The following DSCAML1 variants were observed in gnomAD, a reference collection of about 807,000 sequenced individuals.
DSCAML1 encodes the protein DS cell adhesion molecule like 1, also known as cell adhesion molecule DSCAML1.
In DSCAML1, 38 loss-of-function variants were observed where a neutral mutation model predicts 200.5. That is an observed-to-expected ratio of 0.19 (90% CI 0.15 to 0.25). DSCAML1 has a LOEUF of 0.25. DSCAML1 is among the 10% of genes least tolerant of loss of function. DSCAML1 has a pLI of 1.00. For missense variants in DSCAML1, 2,223 were observed against 2,858.8 expected, an observed-to-expected ratio of 0.78 and a Z score of 5.07; for synonymous variants, 1,215 against 1,165.0, an observed-to-expected ratio of 1.04 and a Z score of -0.87.
At chr11:117,563,079 C>T (rs191613154) in intron 3 of DSCAML1, among the ~76,000 whole-genome samples, 17 of 152,322 alleles carry the variant, frequency 1.1e-4, no homozygotes, top group Middle Eastern at 3.4e-3. Context: ...ATGAAGTGAA[C>T]GCCAAGAGCA....
intron 3 of DSCAML1, among the ~76,000 whole-genome samples, chr11:117,681,321 G>A (rs1190465287): frequency 1.3e-5 from 2 of 152,110 alleles, no homozygotes. Context: ...CCCCTCCTGG[G>A]CCCACAAACT....
chr11:117,639,221 ATGGGTGGGAGGCTGGATGGATGGGAGGC>A (rs1401100328), intron 3 of DSCAML1, among the ~76,000 whole-genome samples: 2 of 149,994 alleles, frequency 1.3e-5, no homozygotes, highest in East Asian at 2.0e-4. Flanking sequence ...GGGAAGCTGC[ATGGGTGGGAGGCTGGATGGATGGGAGGC>A]TGGGTGGGAG....
At chr11:117,593,657 G>T (rs2051304222) in intron 3 of DSCAML1, among the ~76,000 whole-genome samples, 1 of 152,030 alleles carries the variant, frequency 6.6e-6, no homozygotes, top group Non-Finnish European at 1.5e-5. Context: ...CTGGCACAGG[G>T]ATGTGGAGCT....
At chr11:117,590,607 G>A (rs1208099189) in intron 3 of DSCAML1, among the ~76,000 whole-genome samples, 1 of 152,168 alleles carries the variant, frequency 6.6e-6, no homozygotes, top group Non-Finnish European at 1.5e-5. Context: ...GGTCCCTGCT[G>A]TCATCTCGAG....
intron 3 of DSCAML1, among the ~76,000 whole-genome samples, chr11:117,720,840 G>A (rs954858798): frequency 2.0e-5 from 3 of 152,180 alleles, no homozygotes; most frequent in African/African-American, 7.2e-5. Flanking sequence ...CTTAATAAAT[G>A]GCAGCTTTTA....
chr11:117,714,998 C>A (rs1475309182), intron 3 of DSCAML1, among the ~76,000 whole-genome samples: 1 of 151,926 alleles, frequency 6.6e-6, no homozygotes, highest in Non-Finnish European at 1.5e-5. Context: ...CAGACCCAAA[C>A]CAACCATGCC....
At chr11:117,554,700 T>C (rs577994755) in intron 3 of DSCAML1, among the ~76,000 whole-genome samples, 1 of 152,254 alleles carries the variant, frequency 6.6e-6, no homozygotes, top group South Asian at 2.1e-4. Flanking sequence ...TTAAACATTG[T>C]CCTGCCTCCT....
At chr11:117,593,181 G>A (rs1024428294) in intron 3 of DSCAML1, among the ~76,000 whole-genome samples, 1 of 152,008 alleles carries the variant, frequency 6.6e-6, no homozygotes, top group Non-Finnish European at 1.5e-5. Flanking sequence ...TGCCCTCGGC[G>A]GTGCCCACAC....
chr11:117,760,203 A>T (rs916512960), intron 3 of DSCAML1, among the ~76,000 whole-genome samples: 6 of 152,230 alleles, frequency 3.9e-5, no homozygotes, highest in African/African-American at 1.2e-4. Flanking sequence ...GCATACAGAA[A>T]AGCATAAAAA....
chr11:117,431,630 G>A lies in DSCAML1; in HGVS notation c.5278C>T (p.Arg1760Cys), dbSNP rs766912277. Residue 1760 changes from arginine (R) to cysteine (C), a missense_variant, in exon 31 of 33, where the codon CGC becomes TGC. By Grantham distance (180) the Arg-to-Cys change is radical. Transcript: ENST00000651296. ...LTKCQASTPA[R>C]TLTSDWRTVG... ...GTGCGCCAGTCGGAGGTGAGGGTGC[G>A]GGCAGGTGTGGAGGCCTGGCACTTG... The A allele has an allele frequency of 2.4e-5, 39 of 1,613,338 alleles. No homozygotes were observed. The highest frequency in any genetic ancestry group is 1.1e-4 in the East Asian group (5 of 44,854).
chr11:117,515,231 C>CATA (rs1458495486), intron 8 of DSCAML1, among the ~76,000 whole-genome samples: 1 of 152,196 alleles, frequency 6.6e-6, no homozygotes, highest in Non-Finnish European at 1.5e-5. Flanking sequence ...CACGAAGAGA[C>CATA]ATAAGCTCTT....
At chr11:117,736,284 T>C (rs984571744) in intron 3 of DSCAML1, among the ~76,000 whole-genome samples, 5 of 152,156 alleles carry the variant, frequency 3.3e-5, no homozygotes, top group African/African-American at 1.2e-4. Context: ...CGGGCCTTGA[T>C]CTCTTCTGGC....
At chr11:117,720,633 G>A (rs939256328) in intron 3 of DSCAML1, among the ~76,000 whole-genome samples, 1 of 152,180 alleles carries the variant, frequency 6.6e-6, no homozygotes, top group African/African-American at 2.4e-5. Context: ...AGAGGTACTG[G>A]GACGGTGTCT....
intron 11 of DSCAML1, among the ~76,000 whole-genome samples, chr11:117,501,026 A>C (rs1336348838): frequency 1.3e-5 from 2 of 152,084 alleles, no homozygotes; most frequent in Non-Finnish European, 2.9e-5. Context: ...CAAGTGGGCG[A>C]TGATGTGGGC....
chr11:117,525,265 C>A (rs1337862145), intron 4 of DSCAML1, among the ~76,000 whole-genome samples, 182 bp from the exon 5 acceptor site: 1 of 152,104 alleles, frequency 6.6e-6, no homozygotes, highest in Non-Finnish European at 1.5e-5. Flanking sequence ...TGTGCTCAGG[C>A]CAGACCAAGC....
intron 3 of DSCAML1, among the ~76,000 whole-genome samples, chr11:117,714,044 C>T (rs1488183932): frequency 6.6e-6 from 1 of 152,182 alleles, no homozygotes; most frequent in Non-Finnish European, 1.5e-5. Flanking sequence ...ATTAGTCAAT[C>T]TTCCTGAGTC....
chr11:117,636,148 C>T (rs989472353), intron 3 of DSCAML1, among the ~76,000 whole-genome samples: 1 of 152,100 alleles, frequency 6.6e-6, no homozygotes, highest in Non-Finnish European at 1.5e-5. Context: ...AGGGAAGGTT[C>T]GTAAGATAAA....
intron 3 of DSCAML1, among the ~76,000 whole-genome samples, chr11:117,751,957 T>A (rs2054612897): frequency 6.6e-6 from 1 of 152,208 alleles, no homozygotes; most frequent in Non-Finnish European, 1.5e-5. Flanking sequence ...TACCAATGGA[T>A]GTAATTTGTT....
At chr11:117,636,627 AC>A (rs1461658369) in intron 3 of DSCAML1, among the ~76,000 whole-genome samples, 1 of 151,936 alleles carries the variant, frequency 6.6e-6, no homozygotes, top group Non-Finnish European at 1.5e-5. Flanking sequence ...CCTCACTGAA[AC>A]CCCCAACCCC....
Sources: allele counts gnomAD v4.1 joint callset (sites outside exome capture counted in the v4.1 genomes callset), GRCh38; gene constraint gnomAD v4.1.1; transcripts MANE v1.5; gene names NCBI Gene and HGNC (gene_info 2026-07-23, HGNC 2026-07-21).